Variants in DMBT1 observed in about 807,000 individuals in gnomAD.
The protein encoded by DMBT1 is scavenger receptor cysteine-rich domain-containing protein DMBT1.
Under a neutral mutation model 252.9 loss-of-function variants are expected in DMBT1, and 198 were observed. That is an observed-to-expected ratio of 0.78 (90% CI 0.70 to 0.88). The LOEUF (loss-of-function observed/expected upper bound fraction) is 0.88, where lower values mean the gene tolerates loss of function less well. DMBT1 is among the 40% of genes least tolerant of loss of function. The probability of loss-of-function intolerance (pLI) is 0.00; values close to 1 mark genes in which losing one functional copy is unlikely to be tolerated. For synonymous variants in DMBT1, 990 were observed against 942.7 expected, an observed-to-expected ratio of 1.05 and a Z score of -0.92; for missense variants, 2,432 against 2,404.7, an observed-to-expected ratio of 1.01 and a Z score of -0.24.
chr10:122,590,686 CCAGGCCA>C lies in DMBT1; in HGVS notation c.2130_2136del (p.Arg711ThrfsTer13), dbSNP rs2097842823. On this transcript the variant is annotated frameshift_variant and splice_region_variant, in exon 18 of 56. Transcript: ENST00000338354. LOFTEE classifies it high-confidence loss of function. ...ACAGCTGCCCAGTCCCGGTCGACGC[CCAGGCCA>C]GGTGAGTCCCCAGTGTCCTTCCTTG... 6.3e-7 allele frequency: 1 copy of C among 1,587,742 alleles called. No individual in the cohort carries two copies. Among genetic ancestry groups the C allele is most frequent in the Admixed American group, 1.7e-5 (1 of 59,480 alleles).
intron 39 of DMBT1, 23 bp from the exon 40 acceptor site, chr10:122,617,205 T>G (rs2097995024): frequency 1.9e-6 from 3 of 1,607,844 alleles, no homozygotes; most frequent in Non-Finnish European, 1.7e-6. Flanking sequence ...AATTCTGTCT[T>G]TTTTCTTTGT....
intron 46 of DMBT1, among the ~76,000 whole-genome samples, chr10:122,626,534 T>C (rs2098120207): frequency 6.6e-6 from 1 of 152,226 alleles, no homozygotes; most frequent in African/African-American, 2.4e-5. Context: ...TATAAATGGG[T>C]TTACTGGACC....
rs2097747380 is a variant in DMBT1 at position 122,579,574 on chromosome 10, G to A, written c.680-4G>A. 1.2e-6 allele frequency: 2 copies of A among 1,612,470 alleles called. No individual in the cohort carries two copies. The highest frequency in any genetic ancestry group is 8.5e-7 in the Non-Finnish European group (1 of 1,179,716). On this transcript the variant is annotated splice_region_variant and splice_polypyrimidine_tract_variant and intron_variant, in intron 9 of 55. Transcript: ENST00000338354. ...GGATGAAGGGTTCTTGTGTTCCCCTGTAGGATCTGAATCCAGTTTGGCCCT... is the reference window on the plus strand; with the variant it reads ...GGATGAAGGGTTCTTGTGTTCCCCTATAGGATCTGAATCCAGTTTGGCCCT...
intron 41 of DMBT1, 42 bp from the exon 42 acceptor site, chr10:122,619,266 G>A (rs985324083): frequency 1.9e-6 from 3 of 1,613,504 alleles, no homozygotes; most frequent in Middle Eastern, 1.7e-4. Context: ...GCCATTTTCT[G>A]TATAGTGCAT....
At chr10:122,637,796 G>A (rs1242283023) in intron 54 of DMBT1, among the ~76,000 whole-genome samples, 1 of 152,216 alleles carries the variant, frequency 6.6e-6, no homozygotes. Context: ...AGGCAGGGAA[G>A]AGGGGGCCCA....
chr10:122,624,744 A>G (rs2098102874), intron 44 of DMBT1, among the ~76,000 whole-genome samples: 1 of 152,182 alleles, frequency 6.6e-6, no homozygotes, highest in Non-Finnish European at 1.5e-5. Flanking sequence ...GTCCTGGATG[A>G]TGTGTGCTGC....
chr10:122,633,950 A>G (rs999020253), intron 52 of DMBT1, among the ~76,000 whole-genome samples: 3 of 152,232 alleles, frequency 2.0e-5, no homozygotes, highest in Middle Eastern at 3.4e-3. Context: ...CCTGAGCAAT[A>G]TAGGGAGACC....
intron 1 of DMBT1, among the ~76,000 whole-genome samples, chr10:122,561,103 T>C (rs1394658735): frequency 6.6e-6 from 1 of 152,234 alleles, no homozygotes; most frequent in Non-Finnish European, 1.5e-5. Flanking sequence ...GATTGATTTG[T>C]CTTAGAAAAA....
intron 53 of DMBT1, 144 bp from the exon 54 acceptor site, chr10:122,636,984 G>A (rs1406089440): frequency 5.7e-6 from 4 of 696,372 alleles, no homozygotes; most frequent in African/African-American, 3.6e-5. Flanking sequence ...ATTGCAGTGA[G>A]GTCTATGCCC....
intron 10 of DMBT1, among the ~76,000 whole-genome samples, chr10:122,580,398 G>C (rs929895049): frequency 6.6e-6 from 1 of 152,220 alleles, no homozygotes; most frequent in East Asian, 1.9e-4. Context: ...GTTGCGTGGG[G>C]TTGGAGTTCT....
chr10:122,570,636 T>G (rs1172396049), intron 3 of DMBT1, among the ~76,000 whole-genome samples: 1 of 152,220 alleles, frequency 6.6e-6, no homozygotes, highest in East Asian at 1.9e-4. Context: ...ACTGTGTGAC[T>G]TGTTGAATAG....
chr10:122,642,199 G>C (rs2742222), intron 55 of DMBT1, among the ~76,000 whole-genome samples: 83,466 of 151,158 alleles, frequency 0.55, 25,413 homozygotes, highest in African/African-American at 0.82. Context: ...AAACAAAAAA[G>C]AAAACTTGGT....
Position 122,636,214 on chromosome 10 carries a change from G to T in DMBT1, c.6757+15G>T. On this transcript the variant is annotated intron_variant, in intron 53 of 55. Transcript: ENST00000338354. The stretch of plus-strand genomic sequence containing the variant: ...TGACAGCACCAGTAAGTCCCCTTGT[G>T]GAAATGCTCTGTTGGGACTGGGGAC... 6.2e-7 allele frequency: 1 copy of T among 1,604,318 alleles called. No homozygotes were observed. Among genetic ancestry groups the T allele is most frequent in the Non-Finnish European group, 8.5e-7 (1 of 1,172,220 alleles).
At chr10:122,577,709 GGGCATCAGCTC>G (rs2097725252) in intron 7 of DMBT1, 91 bp from the exon 8 acceptor site, 1 of 1,361,946 alleles carries the variant, frequency 7.3e-7, no homozygotes, top group Non-Finnish European at 1.0e-6. Flanking sequence ...GGCGTGTGAT[GGGCATCAGCTC>G]AGGGTGTAGA....
chr10:122,640,547 C>T, intron 55 of DMBT1, 98 bp downstream of exon 55: 3 of 1,283,388 alleles, frequency 2.3e-6, no homozygotes, highest in Admixed American at 2.6e-5. Flanking sequence ...TGATGAACTG[C>T]AGTTCCCAGT....
At chr10:122,599,155 C>A in intron 26 of DMBT1, 58 bp downstream of exon 26, 5 of 1,612,276 alleles carry the variant, frequency 3.1e-6, no homozygotes, top group Non-Finnish European at 4.2e-6. Context: ...CCAGAAGAAA[C>A]TCCTAATTAC....
chr10:122,634,380 CTTT>C (rs2098196439), intron 52 of DMBT1, among the ~76,000 whole-genome samples: 1 of 125,376 alleles, frequency 8.0e-6, no homozygotes, highest in African/African-American at 3.0e-5. Context: ...TTCTTTCTTT[CTTT>C]CTTTCTTTCT....
intron 11 of DMBT1, 147 bp downstream of exon 11, chr10:122,581,042 C>A (rs2097764236): frequency 7.1e-7 from 1 of 1,401,442 alleles, no homozygotes; most frequent in Non-Finnish European, 9.7e-7. Flanking sequence ...TAACTGAGAT[C>A]CCAGCACAGC....
intron 2 of DMBT1, among the ~76,000 whole-genome samples, chr10:122,566,712 G>C (rs1459559755): frequency 6.6e-6 from 1 of 152,144 alleles, no homozygotes; most frequent in Admixed American, 6.5e-5. Flanking sequence ...TGTATGAAAT[G>C]AATTGATATA....
Sources: allele counts gnomAD v4.1 joint callset (sites outside exome capture counted in the v4.1 genomes callset), GRCh38; gene constraint gnomAD v4.1.1; transcripts MANE v1.5; gene names NCBI Gene and HGNC (gene_info 2026-07-23, HGNC 2026-07-21).